The following EGR2 variants were observed in gnomAD, a reference collection of about 807,000 sequenced individuals.
The protein encoded by EGR2 is early growth response 2.
A neutral mutation model predicts 21.2 loss-of-function variants in EGR2; 2 were observed. The observed-to-expected ratio is 0.09, with a 90% CI of 0.04 to 0.30. EGR2 has a LOEUF of 0.30. Among genes scored for constraint, EGR2 ranks in the 10% least tolerant of loss-of-function variants. The pLI is 1.00. For missense variants in EGR2, 458 were observed against 630.2 expected (o/e 0.73, Z 2.93); for synonymous variants, 282 against 258.2 (o/e 1.09, Z -0.88).
At position 62,813,347 on chromosome 10, in the gene EGR2, G is replaced by A. The variant is rs534286872; in HGVS notation, c.1291C>T (p.Pro431Ser). The change falls in exon 2 of 2, where the codon CCC (proline) becomes TCC (serine). Residue 431 changes from proline to serine, a missense_variant. Around this residue, in one of 5 missense-constraint regions of EGR2, gnomAD observed 69 missense variants for 70.4 expected, o/e 0.98. Coordinates refer to ENST00000242480, the MANE Select transcript of EGR2 (RefSeq NM_000399.5). The surrounding 1 kb of genome is among the most constrained non-coding windows in gnomAD (Gnocchi z 5.7). ...LRQKERKSSA[P>S]SASVPAPSTA... ...GAGGGGGCTGGCACCGATGCAGAGGGGGCACTGCTTTTCCGCTCTTTCTGT... is the reference window on the plus strand; with the variant it reads ...GAGGGGGCTGGCACCGATGCAGAGGAGGCACTGCTTTTCCGCTCTTTCTGT... The A allele has an allele frequency of 1.3e-6, 2 of 1,598,764 alleles. No homozygotes were observed. Among genetic ancestry groups the A allele is most frequent in the South Asian group, 2.3e-5 (2 of 88,674 alleles).
At chr10:62,818,545 T>A, upstream of EGR2, 1 of 1,247,124 alleles carries the variant, frequency 8.0e-7, no homozygotes. Context: ...TCTTACCACG[T>A]GCGCCAGCCC....
rs1554853028 is a variant in EGR2, at chr10:62,813,554, G to A, written c.1084C>T (p.Arg362Ter). 6.2e-7 allele frequency: 1 copy of A among 1,610,428 alleles called. No homozygotes were observed. Among genetic ancestry groups the A allele is most frequent in the Non-Finnish European group, 8.5e-7 (1 of 1,178,914 alleles). ...SRSDELTRHIRIHTGHKPFQC... is the reference protein window; with the variant it reads ...SRSDELTRHI ...AAGGGCTTATGCCCAGTGTGGATTCGGATGTGCCGTGTCAGCTCGTCAGAG... is the reference window on the plus strand; with the variant it reads ...AAGGGCTTATGCCCAGTGTGGATTCAGATGTGCCGTGTCAGCTCGTCAGAG... The change falls in exon 2 of 2, where the codon CGA (arginine) becomes TGA (stop). Residue 362 changes from arginine (R) to a stop codon, truncating the protein, a stop_gained. Transcript: ENST00000242480. LOFTEE classifies it high-confidence loss of function. The surrounding 1 kb of genome is among the most constrained non-coding windows in gnomAD (Gnocchi z 5.7).
In EGR2 at chr10:62,815,942, C is replaced by T. The variant is rs371222708; in HGVS notation, c.88G>A (p.Asp30Asn). 8.7e-6 allele frequency: 14 copies of T among 1,614,090 alleles called. No homozygotes were observed. Among genetic ancestry groups the T allele is most frequent in the Non-Finnish European group, 8.5e-6 (10 of 1,180,030 alleles). ...QLSDNIYPVE[D>N]LAATSVTIFP... ...ATGGTCACCGACGTGGCGGCGAGGTCCTCCACCGGGTAGATGTTGTCAGAC... is the reference window on the plus strand; with the variant it reads ...ATGGTCACCGACGTGGCGGCGAGGTTCTCCACCGGGTAGATGTTGTCAGAC... Residue 30 changes from aspartate to asparagine, a missense_variant, in exon 1 of 2, where the codon GAC (aspartate) becomes AAC (asparagine). This residue lies in a region of EGR2 where 91 missense variants were observed against 105.2 expected (regional missense o/e 0.87). Coordinates refer to ENST00000242480, the MANE Select transcript of EGR2 (RefSeq NM_000399.5).
chr10:62,814,416 T>C lies in EGR2; in HGVS notation c.222A>G (p.Pro74=), dbSNP rs201068734. The C allele has an allele frequency of 1.2e-4, 195 of 1,613,942 alleles. 1 individual carries two copies. Among genetic ancestry groups the C allele is most frequent in the Non-Finnish European group, 1.5e-4 (174 of 1,180,012 alleles). ...AGACGGGAGCAAAGCTGCTGGGATA[T>C]GGGAGATCCAACGACCTCTTCTCTC... The part of the protein sequence containing the change: ...MTGEKRSLDL[P]YPSSFAPVSA... The change falls in exon 2 of 2, where the codon CCA becomes CCG. Residue 74 remains proline (P), a synonymous_variant. Coordinates refer to ENST00000242480, the MANE Select transcript of EGR2 (RefSeq NM_000399.5). This position sits in a 1 kb window ranked among gnomAD's most constrained non-coding sequence, Gnocchi z 4.8.
At chr10:62,815,611 G>A (rs1260707787) in intron 1 of EGR2, among the ~76,000 whole-genome samples, 1 of 152,188 alleles carries the variant, frequency 6.6e-6, no homozygotes, top group Non-Finnish European at 1.5e-5. Context: ...CCATCCCTGC[G>A]CTCGCCCGGG....
rs754533351 is a variant in EGR2, at chr10:62,816,081, G to C, written c.-52C>G. ...AACTCCCTCGCTACCTGGAGTGTCA[G>C]AAAAGCCGTTTTGGAGAGGGGTTGG... On this transcript the variant is annotated 5_prime_UTR_variant, in exon 1 of 2. Coordinates refer to ENST00000242480, the MANE Select transcript of EGR2 (RefSeq NM_000399.5). 6 of 1,613,762 alleles carry C rather than the reference G, an allele frequency of 3.7e-6. No individual in the cohort carries two copies. The South Asian group carries it at 6.6e-5, about 18-fold the overall frequency.
chr10:62,814,421 G>C lies in EGR2; in HGVS notation c.217C>G (p.Leu73Val). Residue 73 changes from leucine (L) to valine (V), a missense_variant, in exon 2 of 2, where the codon CTC (leucine) becomes GTC (valine). Coordinates refer to ENST00000242480, the MANE Select transcript of EGR2 (RefSeq NM_000399.5). This position sits in a 1 kb window ranked among gnomAD's most constrained non-coding sequence, Gnocchi z 4.8. ...DMTGEKRSLD[L>V]PYPSSFAPVS... ...GGAGCAAAGCTGCTGGGATATGGGA[G>C]ATCCAACGACCTCTTCTCTCCAGTC... The C allele has an allele frequency of 6.2e-7, 1 of 1,614,162 alleles. No homozygotes were observed. The highest frequency in any genetic ancestry group is 8.5e-7 in the Non-Finnish European group (1 of 1,180,022).
Position 62,813,335 on chromosome 10 carries a change from C to G in EGR2, c.1303G>C (p.Val435Leu), listed in dbSNP as rs750183887. ...CAGGAGGCTGTAGAGGGGGCTGGCA[C>G]CGATGCAGAGGGGGCACTGCTTTTC... ...ERKSSAPSAS[V>L]PAPSTASCSG... Residue 435 changes from valine (V) to leucine (L), a missense_variant, in exon 2 of 2, where the codon GTG becomes CTG. Transcript: ENST00000242480. This position sits in a 1 kb window ranked among gnomAD's most constrained non-coding sequence, Gnocchi z 5.7. 1.3e-6 allele frequency: 2 copies of G among 1,590,646 alleles called. No individual in the cohort carries two copies. The highest frequency in any genetic ancestry group is 8.6e-7 in the Non-Finnish European group (1 of 1,165,916).
At chr10:62,815,518 G>T (rs1453987617) in intron 1 of EGR2, among the ~76,000 whole-genome samples, 1 of 152,162 alleles carries the variant, frequency 6.6e-6, no homozygotes, top group Admixed American at 6.5e-5. Flanking sequence ...CTTTGCCCCT[G>T]CCCCGGGAGA....
chr10:62,812,828 G>C lies in EGR2; in HGVS notation c.*379C>G, dbSNP rs996033578. On this transcript the variant is annotated 3_prime_UTR_variant, in exon 2 of 2. Transcript: ENST00000242480. ...CCAACCTATTGTAGAAAACGTCTTAGATCAACTCTGACATCCAGGGTCAAA... is the reference window on the plus strand; with the variant it reads ...CCAACCTATTGTAGAAAACGTCTTACATCAACTCTGACATCCAGGGTCAAA... The C allele has an allele frequency of 5.4e-6, 1 of 183,950 alleles. No homozygotes were observed. The highest frequency in any genetic ancestry group is 5.6e-5 in the Admixed American group (1 of 17,990). 11.4% of individuals were successfully genotyped at this position (183,950 alleles called of 1,614,324 possible).
At position 62,814,818 on chromosome 10, in the gene EGR2, T is replaced by A. The variant is rs1276684322; in HGVS notation, c.170-350A>T. 6.6e-6 allele frequency among the ~76,000 whole-genome samples: 1 copy of A among 152,074 alleles called. No individual in the cohort carries two copies. Among genetic ancestry groups the A allele is most frequent in the African/African-American group, 2.4e-5 (1 of 41,388 alleles). The stretch of plus-strand genomic sequence containing the variant: ...AAAAGCCTCATCCGCCCGGAGCTTT[T>A]CTCCCTCTTTTTTGCCTGGGGGTTC... On this transcript the variant is annotated intron_variant, in intron 1 of 1. Coordinates refer to ENST00000242480, the MANE Select transcript of EGR2 (RefSeq NM_000399.5). This position sits in a 1 kb window ranked among gnomAD's most constrained non-coding sequence, Gnocchi z 4.8.
chr10:62,815,807 C>T (rs1016493010), intron 1 of EGR2, 54 bp downstream of exon 1: 12 of 1,606,482 alleles, frequency 7.5e-6, no homozygotes, highest in Non-Finnish European at 1.0e-5. Context: ...CACTGCACCC[C>T]ATCCACCACC....
rs777288015 is a variant in EGR2 at position 62,813,161 on chromosome 10, G to A, written c.*46C>T. On this transcript the variant is annotated 3_prime_UTR_variant, in exon 2 of 2. Transcript: ENST00000242480. The surrounding 1 kb of genome is among the most constrained non-coding windows in gnomAD (Gnocchi z 5.7). The stretch of plus-strand genomic sequence containing the variant: ...TGTTGTGCAGCTCCAGTGGACAAAG[G>A]GCCTCCGGGACCTTTGGGAGCTGGT... 9 of 1,516,568 alleles carry A rather than the reference G, an allele frequency of 5.9e-6. No homozygotes were observed. In the Admixed American group the frequency reaches 6.6e-5, roughly 11 times the overall value. 93.9% of individuals were successfully genotyped at this position (1,516,568 alleles called of 1,614,324 possible). A position where few individuals can be genotyped will look rare whatever the true frequency, so the allele number is the denominator to read the frequency against.
intron 1 of EGR2, among the ~76,000 whole-genome samples, chr10:62,815,565 C>T (rs1299433222): frequency 6.6e-6 from 1 of 152,224 alleles, no homozygotes; most frequent in Non-Finnish European, 1.5e-5. Context: ...AGGGCCTACG[C>T]AAGCCTCGAA....
chr10:62,818,541 C>A, upstream of EGR2: 1 of 1,243,406 alleles, frequency 8.0e-7, no homozygotes, highest in Non-Finnish European at 1.0e-6. Context: ...GCGTTCTTAC[C>A]ACGTGCGCCA....
chr10:62,814,256 C>G lies in EGR2; in HGVS notation c.382G>C (p.Ala128Pro), dbSNP rs199906676. The G allele has an allele frequency of 6.2e-7, 1 of 1,614,130 alleles. No individual in the cohort carries two copies. The highest frequency in any genetic ancestry group is 2.2e-5 in the East Asian group (1 of 44,882). The change falls in exon 2 of 2, where the codon GCT becomes CCT. Residue 128 changes from alanine (A) to proline (P), a missense_variant. By Grantham distance (27) the Ala-to-Pro change is conservative. Transcript: ENST00000242480. The surrounding 1 kb of genome is among the most constrained non-coding windows in gnomAD (Gnocchi z 4.8). ...AGILQGVTSP[A>P]STTASSSVTS... Reference sequence around the variant, plus strand: ...ACGCTGGATGAGGCTGTGGTTGAAGCTGGGGAAGTGACCCCTTGCAAGATG... The same window carrying G: ...ACGCTGGATGAGGCTGTGGTTGAAGGTGGGGAAGTGACCCCTTGCAAGATG...
chr10:62,817,825 G>T (rs1838290250), upstream of EGR2, among the ~76,000 whole-genome samples: 1 of 152,266 alleles, frequency 6.6e-6, no homozygotes, highest in African/African-American at 2.4e-5. This position sits in a 1 kb window ranked among gnomAD's most constrained non-coding sequence, Gnocchi z 4.4. Flanking sequence ...CTTGCTGGGC[G>T]CAAAGCTTCT....
intron 1 of EGR2, among the ~76,000 whole-genome samples, chr10:62,815,601 C>G (rs1018361262): frequency 6.6e-6 from 1 of 152,216 alleles, no homozygotes; most frequent in African/African-American, 2.4e-5. Context: ...TCTTCCACCC[C>G]CATCCCTGCG....
chr10:62,818,277 C>T (rs1838303140), upstream of EGR2, among the ~76,000 whole-genome samples: 1 of 152,188 alleles, frequency 6.6e-6, no homozygotes, highest in Non-Finnish European at 1.5e-5. Context: ...TCCACTGAAG[C>T]GCTGCTTCTC....
Sources: allele counts gnomAD v4.1 joint callset (sites outside exome capture counted in the v4.1 genomes callset), GRCh38; gene constraint gnomAD v4.1.1; regional missense constraint gnomAD v4.1.1; non-coding constraint Gnocchi (gnomAD v3.1); transcripts MANE v1.5; gene names NCBI Gene and HGNC (gene_info 2026-07-23, HGNC 2026-07-21).